Variants in SLC17A5 observed in about 807,000 individuals in gnomAD.
The protein encoded by SLC17A5 is sialin.
SLC17A5 carries 47 observed loss-of-function variants against 59.4 expected under a neutral mutation model. The ratio of observed to expected loss-of-function variants is 0.79; its 90% confidence interval spans 0.63 to 1.01. SLC17A5 has a LOEUF of 1.01. SLC17A5 is among the 50% of genes least tolerant of loss of function. The pLI is 0.00. For synonymous variants in SLC17A5, 202 were observed against 210.7 expected (o/e 0.96, Z 0.36); for missense variants, 522 against 595.5 (o/e 0.88, Z 1.28).
intron 3 of SLC17A5, among the ~76,000 whole-genome samples, chr6:73,641,199 C>T (rs1769264870): frequency 6.6e-6 from 1 of 152,098 alleles, no homozygotes; most frequent in South Asian, 2.1e-4. Context: ...CCCACTTCAT[C>T]CTCCCGAGTA....
Position 73,621,948 on chromosome 6 carries a change from C to T in SLC17A5, c.834G>A (p.Lys278=). 1 of 1,614,024 alleles carries T rather than the reference C, an allele frequency of 6.2e-7. No individual in the cohort carries two copies. Residue 278 remains lysine, a synonymous_variant, in exon 7 of 11, where the codon AAG becomes AAA. Transcript: ENST00000355773. ...SSLRNQLSSQ[K]SVPWVPILKS... ...TTAAAATGGGTACCCACGGCACTGA[C>T]TTCTGTGAAGAAAGCTGAAGAAAAC...
intron 6 of SLC17A5, among the ~76,000 whole-genome samples, chr6:73,628,080 G>A (rs1014164551): frequency 3.3e-5 from 5 of 151,808 alleles, no homozygotes; most frequent in East Asian, 3.9e-4. Context: ...CCACCACACC[G>A]GGTAATTTTT....
In SLC17A5 at chr6:73,596,680, C is replaced by A. The variant is rs564560366; in HGVS notation, c.1351-1466G>T. ...GACCATCCTGGCTAACATGGTGAAA[C>A]CCCGTCTTTACTAAAAAAATAAAAA... is the stretch of plus-strand genomic sequence containing the variant. On this transcript the variant is annotated intron_variant, in intron 10 of 10. Coordinates refer to ENST00000355773, the MANE Select transcript of SLC17A5 (RefSeq NM_012434.5). Among the ~76,000 whole-genome samples, 6 of 151,060 alleles carry A rather than the reference C, an allele frequency of 4.0e-5. 1 individual carries two copies. In the East Asian group the frequency reaches 1.2e-3, roughly 30 times the overall value.
Position 73,594,008 on chromosome 6 carries a change from TTTTC to T in SLC17A5, c.*1065_*1068del, listed in dbSNP as rs1581947571. ...ATTTGTGATTGACTGGGCATCGCACTTTTCTTTCTTTATTCTTTTTTTTTTTTTG... is the reference window on the plus strand; with the variant it reads ...ATTTGTGATTGACTGGGCATCGCACTTTTCTTTATTCTTTTTTTTTTTTTG... On this transcript the variant is annotated 3_prime_UTR_variant, in exon 11 of 11. Transcript: ENST00000355773. 1 of 151,954 alleles carries T rather than the reference TTTTC, an allele frequency of 6.6e-6. No individual in the cohort carries two copies. Among genetic ancestry groups the T allele is most frequent in the African/African-American group, 2.4e-5 (1 of 41,366 alleles). 9.4% of individuals were successfully genotyped at this position (151,954 alleles called of 1,614,324 possible).
At chr6:73,629,379 C>G (rs1361719947) in intron 6 of SLC17A5, among the ~76,000 whole-genome samples, 1 of 151,496 alleles carries the variant, frequency 6.6e-6, no homozygotes, top group East Asian at 2.0e-4. Flanking sequence ...GCAACAGAAC[C>G]AGACTTTGTG....
At chr6:73,623,306 T>C (rs578080835) in intron 6 of SLC17A5, among the ~76,000 whole-genome samples, 1 of 151,986 alleles carries the variant, frequency 6.6e-6, no homozygotes, top group East Asian at 1.9e-4. Context: ...CCCAAAGTGT[T>C]GGGATTACAG....
intron 1 of SLC17A5, among the ~76,000 whole-genome samples, chr6:73,649,492 C>A (rs1320710757): frequency 6.6e-6 from 1 of 152,144 alleles, no homozygotes; most frequent in African/African-American, 2.4e-5. Context: ...GTAATCCCAG[C>A]TACCTGGGAG....
At chr6:73,606,873 C>T (rs1767413344) in intron 9 of SLC17A5, among the ~76,000 whole-genome samples, 1 of 152,214 alleles carries the variant, frequency 6.6e-6, no homozygotes, top group African/African-American at 2.4e-5. Flanking sequence ...AAAACGGCAT[C>T]TATCATAGGA....
intron 6 of SLC17A5, among the ~76,000 whole-genome samples, chr6:73,623,299 A>G (rs1350806222): frequency 6.6e-6 from 1 of 151,634 alleles, no homozygotes; most frequent in Non-Finnish European, 1.5e-5. Flanking sequence ...TTGGCCTCCC[A>G]AAGTGTTGGG....
At chr6:73,626,105 T>C (rs897119724) in intron 6 of SLC17A5, among the ~76,000 whole-genome samples, 1 of 152,214 alleles carries the variant, frequency 6.6e-6, no homozygotes, top group African/African-American at 2.4e-5. Flanking sequence ...CTGAATGTAT[T>C]CTGAAGAATG....
intron 9 of SLC17A5, among the ~76,000 whole-genome samples, chr6:73,606,613 G>A (rs1767402086): frequency 6.6e-6 from 1 of 151,994 alleles, no homozygotes; most frequent in South Asian, 2.1e-4. Flanking sequence ...TCAGGCACAG[G>A]ATCCCCCTGC....
At chr6:73,624,488 T>C (rs368606292) in intron 6 of SLC17A5, among the ~76,000 whole-genome samples, 5 of 152,238 alleles carry the variant, frequency 3.3e-5, no homozygotes, top group Non-Finnish European at 4.4e-5. Flanking sequence ...TTTATGTATA[T>C]TCTGTTTATT....
At chr6:73,641,083 C>T (rs1371434661) in intron 3 of SLC17A5, among the ~76,000 whole-genome samples, 1 of 151,956 alleles carries the variant, frequency 6.6e-6, no homozygotes, top group African/African-American at 2.4e-5. Context: ...TCAATCTTAA[C>T]CATTTTTTTT....
At chr6:73,628,264 C>A in intron 6 of SLC17A5, among the ~76,000 whole-genome samples, 1 of 152,050 alleles carries the variant, frequency 6.6e-6, no homozygotes, top group Non-Finnish European at 1.5e-5. Context: ...AATACCACTG[C>A]TGATAAAAGA....
At position 73,638,515 on chromosome 6, in the gene SLC17A5, A is replaced by C; in HGVS notation, c.526-16T>G. On this transcript the variant is annotated splice_polypyrimidine_tract_variant and intron_variant, in intron 3 of 10. Coordinates refer to ENST00000355773, the MANE Select transcript of SLC17A5 (RefSeq NM_012434.5). ...ATGTAACACCCTGAGAGAAGGGAACATGATATTTCTGATGAAATGTAAGGT... is the reference window on the plus strand; with the variant it reads ...ATGTAACACCCTGAGAGAAGGGAACCTGATATTTCTGATGAAATGTAAGGT... 1 of 1,588,618 alleles carries C rather than the reference A, an allele frequency of 6.3e-7. No individual in the cohort carries two copies. The highest frequency in any genetic ancestry group is 8.6e-7 in the Non-Finnish European group (1 of 1,156,886).
intron 9 of SLC17A5, among the ~76,000 whole-genome samples, chr6:73,603,245 C>T (rs1309070009): frequency 6.6e-6 from 1 of 152,034 alleles, no homozygotes; most frequent in Non-Finnish European, 1.5e-5. Context: ...GATTCTTCTG[C>T]TTCAGCCTCC....
At chr6:73,622,209 T>G (rs1768184417) in intron 6 of SLC17A5, among the ~76,000 whole-genome samples, 1 of 152,112 alleles carries the variant, frequency 6.6e-6, no homozygotes, top group African/African-American at 2.4e-5. Context: ...AAAGTAAAAA[T>G]GTATTCGTAG....
intron 10 of SLC17A5, among the ~76,000 whole-genome samples, chr6:73,597,309 G>A (rs957061463): frequency 3.5e-5 from 5 of 142,462 alleles, no homozygotes; most frequent in African/African-American, 1.3e-4. Flanking sequence ...CTACTAAAAA[G>A]ACAAAAAATT....
chr6:73,653,193 T>TA (rs1666927354), intron 1 of SLC17A5: 2 of 985,454 alleles, frequency 2.0e-6, no homozygotes, highest in Non-Finnish European at 2.4e-6. Context: ...GGTTATACAA[T>TA]AGTTGCCCTC....
Sources: gnomAD v4.1 joint callset for allele counts (sites outside exome capture counted in the v4.1 genomes callset) on GRCh38, gnomAD v4.1.1 for gene constraint, MANE v1.5 for transcripts, NCBI Gene and HGNC (gene_info 2026-07-23, HGNC 2026-07-21) for gene names.